The following C12orf42 variants were observed in gnomAD, a reference collection of about 807,000 sequenced individuals.
The protein encoded by C12orf42 is chromosome 12 open reading frame 42, also known as uncharacterized protein C12orf42.
C12orf42 carries 25 observed loss-of-function variants against 21.6 expected under a neutral mutation model. The ratio of observed to expected loss-of-function variants is 1.16; its 90% CI spans 0.84 to 1.62. The LOEUF (loss-of-function observed/expected upper bound fraction) is 1.62. Ranked by LOEUF, C12orf42 falls within the 40% of genes most tolerant of loss-of-function variation. The pLI, the probability that C12orf42 is intolerant of heterozygous loss-of-function variation, is 0.00. For synonymous variants in C12orf42, 174 were observed against 175.0 expected (o/e 0.99, Z 0.05); for missense variants, 483 against 459.3 (o/e 1.05, Z -0.47).
intron 2 of C12orf42, among the ~76,000 whole-genome samples, chr12:103,420,039 A>G (rs2049736811): frequency 6.6e-6 from 1 of 152,246 alleles, no homozygotes; most frequent in African/African-American, 2.4e-5. Flanking sequence ...CACAGATATC[A>G]TATAAAATTG....
At chr12:103,414,336 G>GT (rs1003519103) in intron 2 of C12orf42, among the ~76,000 whole-genome samples, 43 of 148,176 alleles carry the variant, frequency 2.9e-4, no homozygotes, top group Admixed American at 1.2e-3. Flanking sequence ...GGGATTGTTT[G>GT]TTTTTTTCTT....
At chr12:103,100,933 C>T in the C12orf42 span, among the ~76,000 whole-genome samples, 9 of 152,216 alleles carry the variant, frequency 5.9e-5, no homozygotes, top group Middle Eastern at 3.4e-3. Context: ...GAACTGAATT[C>T]GATTATACAT....
At chr12:103,231,311 T>C in the C12orf42 span, among the ~76,000 whole-genome samples, 2 of 152,222 alleles carry the variant, frequency 1.3e-5, no homozygotes, top group African/African-American at 4.8e-5. Context: ...GCACATCCTT[T>C]TCACTTGAAG....
chr12:103,331,517 G>C (rs997005055), intron 4 of C12orf42, among the ~76,000 whole-genome samples: 2 of 152,192 alleles, frequency 1.3e-5, no homozygotes, highest in Non-Finnish European at 2.9e-5. Context: ...TGACTTTACA[G>C]TCTGGTGAAA....
chr12:103,505,355 T>G, the C12orf42 span: 7 of 300,426 alleles, frequency 2.3e-5, no homozygotes, highest in Non-Finnish European at 3.7e-5. Flanking sequence ...TGGAGCAGAA[T>G]AAGGGAGAGG....
chr12:103,475,954 T>C (rs1302783010), intron 2 of C12orf42, among the ~76,000 whole-genome samples: 1 of 152,208 alleles, frequency 6.6e-6, no homozygotes, highest in East Asian at 1.9e-4. Flanking sequence ...AGATGGGGCC[T>C]GTTTGTCATT....
At chr12:103,517,800 G>T in the C12orf42 span, among the ~76,000 whole-genome samples, 1 of 152,028 alleles carries the variant, frequency 6.6e-6, no homozygotes, top group Admixed American at 6.6e-5. Context: ...TTAGCAAGGC[G>T]CTGCTCAGAG....
At chr12:103,384,554 T>C (rs2046448298) in intron 3 of C12orf42, among the ~76,000 whole-genome samples, 1 of 152,192 alleles carries the variant, frequency 6.6e-6, no homozygotes, top group South Asian at 2.1e-4. Flanking sequence ...CAGTATTAAG[T>C]AAATGGTGGT....
chr12:103,246,583 C>G (rs145057622), intron 10 of C12orf42, among the ~76,000 whole-genome samples: 1 of 151,884 alleles, frequency 6.6e-6, no homozygotes, highest in African/African-American at 2.4e-5. Context: ...ACCCTTGGAA[C>G]CTAAACATTC....
chr12:103,073,802 G>A, the C12orf42 span, among the ~76,000 whole-genome samples: 1 of 152,292 alleles, frequency 6.6e-6, no homozygotes, highest in Middle Eastern at 3.4e-3. Flanking sequence ...TGTTAATTGA[G>A]TCTCAAATGT....
the C12orf42 span, among the ~76,000 whole-genome samples, chr12:103,048,793 A>G: frequency 6.6e-6 from 1 of 152,126 alleles, no homozygotes; most frequent in Admixed American, 6.5e-5. Flanking sequence ...TCTTAAGAAA[A>G]TCAGGATTAA....
intron 4 of C12orf42, among the ~76,000 whole-genome samples, chr12:103,325,109 G>A (rs901031592): frequency 1.3e-5 from 2 of 152,206 alleles, no homozygotes; most frequent in African/African-American, 4.8e-5. Context: ...TTTGCATAAA[G>A]TAGAGAGAGA....
At chr12:103,264,563 T>G (rs905874692), downstream of C12orf42, among the ~76,000 whole-genome samples, 4 of 152,186 alleles carry the variant, frequency 2.6e-5, no homozygotes, top group Admixed American at 2.6e-4. Flanking sequence ...TTTAATGCCA[T>G]GCCACACATT....
At chr12:103,429,373 C>T (rs1268023648) in intron 2 of C12orf42, among the ~76,000 whole-genome samples, 1 of 152,058 alleles carries the variant, frequency 6.6e-6, no homozygotes, top group East Asian at 1.9e-4. Flanking sequence ...TTCACATTTG[C>T]TACAAAGAGA....
chr12:103,257,871 CTGAGACTAT>C (rs1365788517), intron 10 of C12orf42, among the ~76,000 whole-genome samples: 1 of 151,792 alleles, frequency 6.6e-6, no homozygotes, highest in Non-Finnish European at 1.5e-5. Context: ...TACTGACTAC[CTGAGACTAT>C]TGACCCAGAA....
At chr12:103,446,683 G>A (rs965477745) in intron 2 of C12orf42, among the ~76,000 whole-genome samples, 1 of 151,836 alleles carries the variant, frequency 6.6e-6, no homozygotes, top group Non-Finnish European at 1.5e-5. Flanking sequence ...CATGCAAATG[G>A]ACACCAAAAG....
chr12:103,401,231 A>G (rs2047960771), intron 3 of C12orf42, among the ~76,000 whole-genome samples: 1 of 152,100 alleles, frequency 6.6e-6, no homozygotes, highest in Non-Finnish European at 1.5e-5. Flanking sequence ...TGCCTAGTGA[A>G]CTCAGCTGTA....
chr12:103,306,261 C>T lies in C12orf42; in HGVS notation c.344G>A (p.Ser115Asn), dbSNP rs764188160. 1.3e-5 allele frequency: 21 copies of T among 1,613,704 alleles called. No homozygotes were observed. In the African/African-American group the frequency reaches 2.4e-4, roughly 18 times the overall value. ...CQYIVPRCSVSTVSFDEESYE... is the reference protein window; with the variant it reads ...CQYIVPRCSVNTVSFDEESYE... ...GCTTTCTTCATCAAAAGAAACTGTG[C>T]TTACAGAACACCTGGGGACTATGTA... Residue 115 changes from serine to asparagine, a missense_variant, in exon 5 of 6, where the codon AGC (serine) becomes AAC (asparagine). By Grantham distance (46) the Ser-to-Asn change is conservative. Coordinates refer to ENST00000548883, the MANE Select transcript of C12orf42 (RefSeq NM_198521.5).
At chr12:103,355,809 G>A (rs932404541) in intron 4 of C12orf42, among the ~76,000 whole-genome samples, 1 of 152,000 alleles carries the variant, frequency 6.6e-6, no homozygotes, top group Non-Finnish European at 1.5e-5. Context: ...TTTCTTAATT[G>A]TCCTCCCTTA....
Sources: allele counts gnomAD v4.1 joint callset (sites outside exome capture counted in the v4.1 genomes callset), GRCh38; gene constraint gnomAD v4.1.1; transcripts MANE v1.5; gene names NCBI Gene and HGNC (gene_info 2026-07-23, HGNC 2026-07-21).